AGBL4: variants seen among roughly 807,000 people sequenced by gnomAD.
The protein encoded by AGBL4 is AGBL carboxypeptidase 4.
A neutral mutation model predicts 66.4 loss-of-function variants in AGBL4; 58 were observed. The ratio of observed to expected loss-of-function variants is 0.87; its 90% CI spans 0.71 to 1.09. The LOEUF (loss-of-function observed/expected upper bound fraction) is 1.09, where lower values mean the gene tolerates loss of function less well. Ranked by LOEUF, AGBL4 falls within the 50% of genes least tolerant of loss-of-function variation. The pLI is 0.00. For missense variants in AGBL4, 579 were observed against 631.0 expected (o/e 0.92, Z 0.88); for synonymous variants, 234 against 222.9 (o/e 1.05, Z -0.44).
intron 4 of AGBL4, among the ~76,000 whole-genome samples, chr1:49,102,482 G>T (rs908682049): frequency 6.6e-6 from 1 of 152,084 alleles, no homozygotes; most frequent in African/African-American, 2.4e-5. Context: ...TTTACAGAGA[G>T]GAAAATACCA....
At chr1:50,016,933 T>C (rs1662025508) in intron 1 of AGBL4, among the ~76,000 whole-genome samples, 1 of 152,172 alleles carries the variant, frequency 6.6e-6, no homozygotes, top group Non-Finnish European at 1.5e-5. Context: ...ATCCCACTAC[T>C]GAGTATATAC....
chr1:48,584,246 T>C (rs962422299), intron 11 of AGBL4: 5 of 152,148 alleles, frequency 3.3e-5, no homozygotes, highest in South Asian at 2.1e-4. Context: ...CCTTCCATTG[T>C]CTACATTCAA....
At chr1:49,231,257 T>C (rs1433003563) in intron 4 of AGBL4, among the ~76,000 whole-genome samples, 1 of 152,170 alleles carries the variant, frequency 6.6e-6, no homozygotes. Flanking sequence ...AGAACTTGGC[T>C]TCAGAAGTTG....
At chr1:48,987,069 AAAG>A (rs1472430323) in intron 5 of AGBL4, among the ~76,000 whole-genome samples, 1 of 151,980 alleles carries the variant, frequency 6.6e-6, no homozygotes, top group African/African-American at 2.4e-5. Flanking sequence ...AAACATATTC[AAAG>A]AATACTCCAT....
rs150997905 is a variant in AGBL4, at chr1:48,757,762, T to C, written c.635-94521A>G. ...AAGCTTCATATCTAAATATATTATC[T>C]AGATAATGAAAACCTTCACAAGGGC... On this transcript the variant is annotated intron_variant, in intron 6 of 13. Transcript: ENST00000371839. Among the ~76,000 whole-genome samples the C allele has an allele frequency of 2.2e-4, 33 of 152,326 alleles. No homozygotes were observed. The East Asian group carries it at 5.8e-3, about 27-fold the overall frequency.
intron 6 of AGBL4, among the ~76,000 whole-genome samples, chr1:48,731,820 G>T (rs1648182062): frequency 6.6e-6 from 1 of 152,184 alleles, no homozygotes. Flanking sequence ...TGCTTCTATG[G>T]CATGTTTAGA....
intron 5 of AGBL4, among the ~76,000 whole-genome samples, chr1:48,975,089 A>T (rs1470298622): frequency 6.6e-6 from 1 of 152,146 alleles, no homozygotes; most frequent in East Asian, 1.9e-4. Context: ...GTGAGAGATA[A>T]ATCTCATAAA....
intron 3 of AGBL4, among the ~76,000 whole-genome samples, chr1:49,539,926 G>A (rs1217108191): frequency 6.6e-6 from 1 of 152,132 alleles, no homozygotes; most frequent in African/African-American, 2.4e-5. Context: ...CATTTGGAGT[G>A]GAGTGTTCAT....
chr1:49,481,165 A>G (rs1397336610), intron 3 of AGBL4, among the ~76,000 whole-genome samples: 1 of 152,226 alleles, frequency 6.6e-6, no homozygotes, highest in East Asian at 1.9e-4. Context: ...AGTTCTGTGA[A>G]GAATGTCAGT....
rs548943902 is a variant in AGBL4 at position 49,417,210 on chromosome 1, A to G, written c.283-171346T>C. ...TGAAAGAAAAATGACCTTGGAATTC[A>G]GTGCTAGAAACAAGCAAGCTGTTTT... On this transcript the variant is annotated intron_variant, in intron 3 of 13. Transcript: ENST00000371839. 1.1e-4 allele frequency among the ~76,000 whole-genome samples: 17 copies of G among 152,262 alleles called. 1 individual carries two copies. In the South Asian group the frequency reaches 2.9e-3, roughly 26 times the overall value.
At chr1:49,645,375 A>T (rs1471988531) in intron 3 of AGBL4, among the ~76,000 whole-genome samples, 1 of 146,132 alleles carries the variant, frequency 6.8e-6, no homozygotes, top group Non-Finnish European at 1.5e-5. Flanking sequence ...GAAAGATGAC[A>T]ACACTATAGC....
At chr1:49,660,054 G>A (rs1481926701) in intron 3 of AGBL4, among the ~76,000 whole-genome samples, 1 of 152,152 alleles carries the variant, frequency 6.6e-6, no homozygotes, top group Non-Finnish European at 1.5e-5. Flanking sequence ...AAGATTTCAT[G>A]ACAAAATCAC....
rs1275112835 is a variant in AGBL4, at chr1:48,682,486, G to A, written c.635-19245C>T. Reference sequence around the variant, plus strand: ...TGCAGAGGCATGATCATGGCTCACTGCAGCCTCAACCTCCTGAGCTCAAGC... The same window carrying A: ...TGCAGAGGCATGATCATGGCTCACTACAGCCTCAACCTCCTGAGCTCAAGC... On this transcript the variant is annotated intron_variant, in intron 6 of 13. Transcript: ENST00000371839. 2.0e-5 allele frequency among the ~76,000 whole-genome samples: 3 copies of A among 150,294 alleles called. No individual in the cohort carries two copies. In the East Asian group the frequency reaches 5.9e-4, roughly 29 times the overall value.
intron 6 of AGBL4, among the ~76,000 whole-genome samples, chr1:48,853,937 T>G (rs1008767666): frequency 3.9e-5 from 6 of 152,186 alleles, no homozygotes; most frequent in Non-Finnish European, 7.3e-5. Flanking sequence ...TAAAGTTAGA[T>G]GAGCTCTTAT....
At chr1:48,661,863 T>C (rs1259481092) in intron 7 of AGBL4, among the ~76,000 whole-genome samples, 1 of 152,140 alleles carries the variant, frequency 6.6e-6, no homozygotes, top group Non-Finnish European at 1.5e-5. Flanking sequence ...AACTGACAGA[T>C]GGCGCAAGTA....
At chr1:48,954,031 G>C (rs183791373) in intron 5 of AGBL4, among the ~76,000 whole-genome samples, 11 of 152,308 alleles carry the variant, frequency 7.2e-5, no homozygotes, top group Admixed American at 1.3e-4. Flanking sequence ...AGAGTGCTTA[G>C]GGGGCTTCAG....
At chr1:49,236,219 G>A (rs1203021806) in intron 4 of AGBL4, among the ~76,000 whole-genome samples, 1 of 151,796 alleles carries the variant, frequency 6.6e-6, no homozygotes, top group Non-Finnish European at 1.5e-5. Context: ...TTAGAAGCAG[G>A]GTTTCACCAT....
chr1:49,820,013 G>A (rs924134810), intron 2 of AGBL4, among the ~76,000 whole-genome samples: 1 of 152,172 alleles, frequency 6.6e-6, no homozygotes, highest in Non-Finnish European at 1.5e-5. Context: ...GGTCTCTGAA[G>A]CTAGGCAAAA....
intron 1 of AGBL4, among the ~76,000 whole-genome samples, chr1:49,906,635 T>C (rs951492758): frequency 1.5e-4 from 23 of 151,822 alleles, no homozygotes; most frequent in African/African-American, 5.1e-4. Context: ...TTTGTCAAGA[T>C]ATACTAACAA....
Sources: allele counts gnomAD v4.1 joint callset (sites outside exome capture counted in the v4.1 genomes callset), GRCh38; gene constraint gnomAD v4.1.1; transcripts MANE v1.5; gene names NCBI Gene and HGNC (gene_info 2026-07-23, HGNC 2026-07-21).